The following KL variants were observed in gnomAD, a reference collection of about 807,000 sequenced individuals.
KL encodes the protein alpha-klotho.
In KL, 62 loss-of-function variants were observed where a neutral mutation model predicts 84.2. That is an observed-to-expected ratio of 0.74 (90% CI 0.60 to 0.91). The LOEUF (loss-of-function observed/expected upper bound fraction) is 0.91. KL is among the 40% of genes least tolerant of loss of function. The probability of loss-of-function intolerance (pLI) is 0.00; values close to 1 mark genes in which losing one functional copy is unlikely to be tolerated. For missense variants in KL, 1,261 were observed against 1,305.7 expected (o/e 0.97, Z 0.53); for synonymous variants, 528 against 528.0 (o/e 1.00, Z 0.00).
chr13:33,016,362 G>C, upstream of KL: 1 of 161,384 alleles, frequency 6.2e-6, no homozygotes, highest in Non-Finnish European at 1.3e-5. Context: ...GGGCGCGCCG[G>C]CGGTGGGCGG....
intron 1 of KL, among the ~76,000 whole-genome samples, chr13:33,043,714 A>G (rs1183888315): frequency 6.6e-6 from 1 of 152,118 alleles, no homozygotes; most frequent in East Asian, 1.9e-4. Flanking sequence ...TTCTTTTACT[A>G]CTGATAGGTA....
At position 33,060,859 on chromosome 13, in the gene KL, C is replaced by T. The variant is rs138511256; in HGVS notation, c.1780C>T (p.Arg594Cys). 1.2e-5 allele frequency: 20 copies of T among 1,614,114 alleles called. No individual in the cohort carries two copies. Among genetic ancestry groups the T allele is most frequent in the Middle Eastern group, 1.6e-4 (1 of 6,084 alleles). Residue 594 changes from arginine (R) to cysteine (C), a missense_variant, in exon 4 of 5, where the codon CGC becomes TGC. By Grantham distance (180) the Arg-to-Cys change is radical. Transcript: ENST00000380099. ...CCAGGAAATGCACGTTACACATTTT[C>T]GCTTCTCCCTGGACTGGGCCCTGAT... ...LLQEMHVTHFRFSLDWALILP... is the reference protein window; with the variant it reads ...LLQEMHVTHFCFSLDWALILP...
At chr13:33,049,648 A>G (rs1871671697) in intron 1 of KL, among the ~76,000 whole-genome samples, 1 of 152,146 alleles carries the variant, frequency 6.6e-6, no homozygotes, top group African/African-American at 2.4e-5. Context: ...GGAAGGCTAG[A>G]TAATCTTAGA....
rs1382239559 is a variant in KL at position 33,061,593 on chromosome 13, G to T, written c.2514G>T (p.Trp838Cys). Reference sequence around the variant, plus strand: ...TGCAAGAAATGACCGACATCACGTGGCTCAACTCCCCCAGTCAGGTGGCGG... The same window carrying T: ...TGCAAGAAATGACCGACATCACGTGTCTCAACTCCCCCAGTCAGGTGGCGG... The part of the protein sequence containing the change: ...LEVQEMTDIT[W>C]LNSPSQVAVV... Residue 838 changes from tryptophan (W) to cysteine (C), a missense_variant, in exon 4 of 5, where the codon TGG becomes TGT. Trp to Cys is a radical substitution (Grantham distance 215). Coordinates refer to ENST00000380099, the MANE Select transcript of KL (RefSeq NM_004795.4). The T allele has an allele frequency of 1.9e-6, 3 of 1,614,164 alleles. No individual in the cohort carries two copies. Among genetic ancestry groups the T allele is most frequent in the Non-Finnish European group, 2.5e-6 (3 of 1,180,024 alleles).
intron 1 of KL, among the ~76,000 whole-genome samples, chr13:33,031,335 G>A (rs922146385): frequency 6.6e-6 from 1 of 152,168 alleles, no homozygotes; most frequent in African/African-American, 2.4e-5. Flanking sequence ...GGACTTGGAG[G>A]CTGGAAACTT....
chr13:33,054,998 A>G (rs577818913), intron 2 of KL, 49 bp from the exon 3 acceptor site: 12 of 1,613,304 alleles, frequency 7.4e-6, no homozygotes, highest in Admixed American at 1.7e-5. Flanking sequence ...CCATGATGCA[A>G]GTGCCCAGCG....
At chr13:33,031,144 G>T (rs187542595) in intron 1 of KL, among the ~76,000 whole-genome samples, 226 of 152,260 alleles carry the variant, frequency 1.5e-3, no homozygotes, top group Middle Eastern at 6.8e-3. Context: ...GACATGTAAG[G>T]GTATTGAAAG....
chr13:33,020,747 TG>T, intron 1 of KL, among the ~76,000 whole-genome samples: 1 of 152,234 alleles, frequency 6.6e-6, no homozygotes, highest in East Asian at 1.9e-4. Flanking sequence ...ACGATGGAGG[TG>T]CAAGACACCA....
chr13:33,052,656 A>G (rs554161069), intron 1 of KL, among the ~76,000 whole-genome samples: 1 of 152,304 alleles, frequency 6.6e-6, no homozygotes, highest in South Asian at 2.1e-4. Context: ...ATGAACCACG[A>G]GAGGAATATT....
chr13:33,061,628 G>A lies in KL; in HGVS notation c.2549G>A (p.Trp850Ter). Reference protein sequence around the residue: ...NSPSQVAVVPWGLRKVLNWLK... With the variant: ...NSPSQVAVVP ...CCCAGTCAGGTGGCGGTAGTGCCCTGGGGGTTGCGCAAAGTGCTGAACTGG... is the reference window on the plus strand; with the variant it reads ...CCCAGTCAGGTGGCGGTAGTGCCCTAGGGGTTGCGCAAAGTGCTGAACTGG... Residue 850 changes from tryptophan to a stop codon, truncating the protein, a stop_gained, in exon 4 of 5, where the codon TGG (tryptophan) becomes TAG (stop). Coordinates refer to ENST00000380099, the MANE Select transcript of KL (RefSeq NM_004795.4). LOFTEE classifies it high-confidence loss of function. The A allele has an allele frequency of 2.5e-6, 4 of 1,614,196 alleles. No individual in the cohort carries two copies. The highest frequency in any genetic ancestry group is 3.4e-6 in the Non-Finnish European group (4 of 1,180,030).
At chr13:33,063,675 G>T (rs554797158) in intron 4 of KL, among the ~76,000 whole-genome samples, 174 bp from the exon 5 acceptor site, 27 of 152,106 alleles carry the variant, frequency 1.8e-4, no homozygotes, top group Admixed American at 1.5e-3. Context: ...TACTCAGGAG[G>T]CTGAGGCAGG....
intron 1 of KL, among the ~76,000 whole-genome samples, chr13:33,049,199 C>G (rs539138981): frequency 6.6e-6 from 1 of 152,274 alleles, no homozygotes; most frequent in African/African-American, 2.4e-5. Context: ...TTCTGTCTTT[C>G]ATGATCTTGA....
rs183426964 is a variant in KL, at chr13:33,026,896, C to G, written c.819+9637C>G. Among the ~76,000 whole-genome samples, 329 of 152,284 alleles carry G rather than the reference C, an allele frequency of 2.2e-3. 1 individual carries two copies. Among genetic ancestry groups the G allele is most frequent in the African/African-American group, 7.2e-3 (300 of 41,564 alleles). On this transcript the variant is annotated intron_variant, in intron 1 of 4. Coordinates refer to ENST00000380099, the MANE Select transcript of KL (RefSeq NM_004795.4). ...TAATATACTGGTTCTTGCATGCCAG[C>G]TTCTCTCTGCTTCTTGATTCTTTTA...
In KL at chr13:33,061,701, A is replaced by G; in HGVS notation, c.2622A>G (p.Gly874=). ...TCCCCATGTACATAATATCCAATGG[A>G]ATCGATGACGGGCTGCATGCTGAGG... ...GDLPMYIISN[G]IDDGLHAEDD... The change falls in exon 4 of 5, where the codon GGA becomes GGG. Residue 874 remains glycine (G), a synonymous_variant. Transcript: ENST00000380099. 6.2e-7 allele frequency: 1 copy of G among 1,613,940 alleles called. No individual in the cohort carries two copies. The highest frequency in any genetic ancestry group is 8.5e-7 in the Non-Finnish European group (1 of 1,179,796).
At position 33,061,646 on chromosome 13, in the gene KL, T is replaced by C; in HGVS notation, c.2567T>C (p.Leu856Pro). 3 of 1,614,232 alleles carry C rather than the reference T, an allele frequency of 1.9e-6. No homozygotes were observed. The highest frequency in any genetic ancestry group is 2.5e-6 in the Non-Finnish European group (3 of 1,180,038). ...AVVPWGLRKV[L>P]NWLKFKYGDL... ...GTGCCCTGGGGGTTGCGCAAAGTGC[T>C]GAACTGGCTGAAGTTCAAGTACGGA... The change falls in exon 4 of 5, where the codon CTG becomes CCG. Residue 856 changes from leucine (L) to proline (P), a missense_variant. Coordinates refer to ENST00000380099, the MANE Select transcript of KL (RefSeq NM_004795.4).
Position 33,065,639 on chromosome 13 carries a change from G to A in KL, c.*1453G>A, listed in dbSNP as rs1405805507. 5.6e-6 allele frequency: 1 copy of A among 179,044 alleles called. No homozygotes were observed. Among genetic ancestry groups the A allele is most frequent in the Non-Finnish European group, 1.2e-5 (1 of 83,554 alleles). The allele number at this position is 179,044 out of a possible 1,614,324, so 11.1% of individuals were successfully genotyped here. A position where few individuals can be genotyped will look rare whatever the true frequency, so the allele number is the denominator to read the frequency against. On this transcript the variant is annotated 3_prime_UTR_variant, in exon 5 of 5. Transcript: ENST00000380099. ...CTTTTGGTAATATTCATTTTAAAGT[G>A]GACTTATTAAAATTGGATGCTAGAG...
At chr13:33,057,237 A>C (rs1871996413) in intron 3 of KL, among the ~76,000 whole-genome samples, 1 of 152,014 alleles carries the variant, frequency 6.6e-6, no homozygotes, top group Non-Finnish European at 1.5e-5. Flanking sequence ...ACAATCTCCC[A>C]GCCAGCATTG....
intron 1 of KL, among the ~76,000 whole-genome samples, chr13:33,030,481 C>T (rs770707627): frequency 5.9e-5 from 9 of 152,138 alleles, no homozygotes; most frequent in Admixed American, 1.3e-4. Flanking sequence ...ATTCTTCAAG[C>T]GCCTTATTTT....
Position 33,061,385 on chromosome 13 carries a change from A to G in KL, c.2306A>G (p.Asp769Gly). ...GCTGAGCCCATTTTCGGCTCTGGAG[A>G]TTATCCATGGGTGATGAGGGACTGG... Reference protein sequence around the residue: ...WLAEPIFGSGDYPWVMRDWLN... With the variant: ...WLAEPIFGSGGYPWVMRDWLN... Residue 769 changes from aspartate to glycine, a missense_variant, in exon 4 of 5, where the codon GAT becomes GGT. By Grantham distance (94) the Asp-to-Gly change is moderately conservative. Transcript: ENST00000380099. 3 of 1,614,128 alleles carry G rather than the reference A, an allele frequency of 1.9e-6. No individual in the cohort carries two copies. Among genetic ancestry groups the G allele is most frequent in the Non-Finnish European group, 2.5e-6 (3 of 1,180,028 alleles).
Sources: allele counts gnomAD v4.1 joint callset (sites outside exome capture counted in the v4.1 genomes callset), GRCh38; gene constraint gnomAD v4.1.1; transcripts MANE v1.5; gene names NCBI Gene and HGNC (gene_info 2026-07-23, HGNC 2026-07-21).